DPYD: variants seen among roughly 807,000 people sequenced by gnomAD.
DPYD encodes the protein dihydropyrimidine dehydrogenase [NADP(+)].
In DPYD, 109 loss-of-function variants were observed where a neutral mutation model predicts 116.2. The observed-to-expected ratio is 0.94, with a 90% confidence interval of 0.80 to 1.10. The LOEUF (loss-of-function observed/expected upper bound fraction) is 1.10. DPYD is among the 50% of genes least tolerant of loss of function. The pLI, the probability that DPYD is intolerant of heterozygous loss-of-function variation, is 0.00. For synonymous variants in DPYD, 440 were observed against 432.0 expected, an observed-to-expected ratio of 1.02 and a Z score of -0.23; for missense variants, 1,302 against 1,254.5, an observed-to-expected ratio of 1.04 and a Z score of -0.57.
At chr1:97,404,895 C>A (rs911953183) in intron 14 of DPYD, among the ~76,000 whole-genome samples, 1 of 149,194 alleles carries the variant, frequency 6.7e-6, no homozygotes. Context: ...GGTTGTATTT[C>A]ATTATTTTAT....
At chr1:97,192,996 G>T in intron 20 of DPYD, 73 bp downstream of exon 20, 1 of 1,525,518 alleles carries the variant, frequency 6.6e-7, no homozygotes, top group Non-Finnish European at 9.1e-7. Flanking sequence ...GAGAATGTGA[G>T]ATGGTAAATA....
At chr1:97,564,242 G>A (rs1652365839) in intron 11 of DPYD, among the ~76,000 whole-genome samples, 1 of 152,098 alleles carries the variant, frequency 6.6e-6, no homozygotes, top group African/African-American at 2.4e-5. Flanking sequence ...GAGTACCATG[G>A]AATAAAACTG....
At chr1:97,625,527 G>C (rs933470943) in intron 8 of DPYD, among the ~76,000 whole-genome samples, 1 of 152,052 alleles carries the variant, frequency 6.6e-6, no homozygotes, top group African/African-American at 2.4e-5. Context: ...ACCTGACAAT[G>C]CATCTGTATT....
rs148806657 is a variant in DPYD, at chr1:97,776,442, G to C, written c.234-35963C>G. On this transcript the variant is annotated intron_variant, in intron 3 of 22. Transcript: ENST00000370192. ...ATGCTCCAGGATGTTAGAATATAGT[G>C]CGTAGTAGTTGCAGGCACTGCTACC... Among the ~76,000 whole-genome samples, 110 of 152,266 alleles carry C rather than the reference G, an allele frequency of 7.2e-4. 1 individual carries two copies. The highest frequency in any genetic ancestry group is 2.3e-3 in the African/African-American group (96 of 41,562).
At chr1:97,194,592 C>T (rs1658616335) in intron 19 of DPYD, among the ~76,000 whole-genome samples, 1 of 152,042 alleles carries the variant, frequency 6.6e-6, no homozygotes, top group African/African-American at 2.4e-5. Flanking sequence ...GTGACCTCCA[C>T]CTCCCGGGTT....
intron 11 of DPYD, among the ~76,000 whole-genome samples, chr1:97,573,402 T>A (rs760329642): frequency 1.3e-5 from 2 of 152,102 alleles, no homozygotes; most frequent in Non-Finnish European, 2.9e-5. Flanking sequence ...TTTGTCTGAA[T>A]CATTGAAGAC....
At chr1:97,835,024 T>C (rs1669700246) in intron 2 of DPYD, among the ~76,000 whole-genome samples, 1 of 152,100 alleles carries the variant, frequency 6.6e-6, no homozygotes, top group African/African-American at 2.4e-5. Context: ...ACTAGTCTAA[T>C]CCTTTCAGGG....
At chr1:97,730,933 T>C (rs972540271) in intron 4 of DPYD, among the ~76,000 whole-genome samples, 2 of 152,018 alleles carry the variant, frequency 1.3e-5, no homozygotes, top group African/African-American at 2.4e-5. Context: ...CATTTATGAA[T>C]ATTACACAGC....
At chr1:97,496,961 T>C (rs376986234) in intron 13 of DPYD, among the ~76,000 whole-genome samples, 8 of 152,116 alleles carry the variant, frequency 5.3e-5, no homozygotes, top group Admixed American at 3.3e-4. Flanking sequence ...TCTATTGCCA[T>C]CCAAATGAAT....
At chr1:97,699,060 G>A (rs1393268145) in intron 6 of DPYD, among the ~76,000 whole-genome samples, 4 of 151,852 alleles carry the variant, frequency 2.6e-5, no homozygotes, top group African/African-American at 4.8e-5. Context: ...AATATTCACA[G>A]GGCTAAAATC....
intron 2 of DPYD, among the ~76,000 whole-genome samples, chr1:97,850,172 C>G (rs2101562568): frequency 6.6e-6 from 1 of 152,266 alleles, no homozygotes; most frequent in African/African-American, 2.4e-5. Context: ...ATCTGTTTCT[C>G]AAGTTATAAG....
chr1:97,237,632 C>CAT (rs958510760), intron 18 of DPYD, among the ~76,000 whole-genome samples: 32 of 152,110 alleles, frequency 2.1e-4, no homozygotes, highest in African/African-American at 7.0e-4. Context: ...CAAAAACACA[C>CAT]ATATATATAC....
chr1:97,882,620 A>G (rs932865485), intron 2 of DPYD, among the ~76,000 whole-genome samples: 3 of 151,982 alleles, frequency 2.0e-5, no homozygotes, highest in African/African-American at 4.8e-5. Flanking sequence ...AATTTCTAAC[A>G]TCACCTTTAA....
At chr1:97,142,094 G>A (rs989044635) in intron 20 of DPYD, among the ~76,000 whole-genome samples, 2 of 152,156 alleles carry the variant, frequency 1.3e-5, no homozygotes, top group Admixed American at 1.3e-4. Flanking sequence ...TTTATACTTT[G>A]AGCTTTATCC....
At chr1:97,351,203 A>G (rs1670126742) in intron 16 of DPYD, among the ~76,000 whole-genome samples, 1 of 152,132 alleles carries the variant, frequency 6.6e-6, no homozygotes, top group Non-Finnish European at 1.5e-5. Context: ...GAGTAATTAA[A>G]AATTAGAAGT....
At chr1:97,863,650 T>C (rs1002979341) in intron 2 of DPYD, among the ~76,000 whole-genome samples, 6 of 152,068 alleles carry the variant, frequency 3.9e-5, no homozygotes, top group African/African-American at 1.2e-4. Context: ...ATGTAACAAC[T>C]AGCAGAAGAC....
At chr1:97,496,150 A>G (rs1679253617) in intron 13 of DPYD, among the ~76,000 whole-genome samples, 1 of 151,980 alleles carries the variant, frequency 6.6e-6, no homozygotes, top group Non-Finnish European at 1.5e-5. Context: ...CTCTTCCCAT[A>G]TCTAGCCTCA....
At chr1:97,180,906 T>C (rs1180677974) in intron 20 of DPYD, among the ~76,000 whole-genome samples, 1 of 152,116 alleles carries the variant, frequency 6.6e-6, no homozygotes, top group Non-Finnish European at 1.5e-5. Context: ...GACAACACAA[T>C]GAAAATGTAG....
chr1:97,524,177 G>T (rs1337092229), intron 12 of DPYD, among the ~76,000 whole-genome samples: 2 of 152,112 alleles, frequency 1.3e-5, no homozygotes, highest in Non-Finnish European at 2.9e-5. Flanking sequence ...CAAACTGCAG[G>T]AATATAGTCA....
Sources: gnomAD v4.1 joint callset for allele counts (sites outside exome capture counted in the v4.1 genomes callset) on GRCh38, gnomAD v4.1.1 for gene constraint, MANE v1.5 for transcripts, NCBI Gene and HGNC (gene_info 2026-07-23, HGNC 2026-07-21) for gene names.